The following GPM6A variants were observed in gnomAD, a reference collection of about 807,000 sequenced individuals.
GPM6A encodes neuronal membrane glycoprotein M6-a.
GPM6A carries 7 observed loss-of-function variants against 32.1 expected under a neutral mutation model. That is an observed-to-expected ratio of 0.22 (90% CI 0.12 to 0.41). The LOEUF (loss-of-function observed/expected upper bound fraction) is 0.41, where lower values mean the gene tolerates loss of function less well. Ranked by LOEUF, GPM6A falls within the 10% of genes least tolerant of loss-of-function variation. The pLI is 1.00. For synonymous variants in GPM6A, 130 were observed against 123.4 expected, an observed-to-expected ratio of 1.05 and a Z score of -0.35; for missense variants, 235 against 347.2, an observed-to-expected ratio of 0.68 and a Z score of 2.57.
At chr4:175,712,956 G>T (rs1223038133) in intron 1 of GPM6A, among the ~76,000 whole-genome samples, 1 of 152,252 alleles carries the variant, frequency 6.6e-6, no homozygotes, top group African/African-American at 2.4e-5. Flanking sequence ...TGTCCAGTTG[G>T]TGTAGCCAGG....
At chr4:175,894,722 G>T (rs1017216177) in intron 1 of GPM6A, among the ~76,000 whole-genome samples, 2 of 151,974 alleles carry the variant, frequency 1.3e-5, no homozygotes, top group South Asian at 2.1e-4. Flanking sequence ...TGTCAAAAGG[G>T]GAGTGGCTAA....
At chr4:175,868,118 T>C (rs1321975155) in intron 1 of GPM6A, among the ~76,000 whole-genome samples, 1 of 152,180 alleles carries the variant, frequency 6.6e-6, no homozygotes, top group Non-Finnish European at 1.5e-5. Flanking sequence ...CCTCCAGCAA[T>C]TTGTTCAGGT....
intron 4 of GPM6A, among the ~76,000 whole-genome samples, chr4:175,644,759 G>T (rs1239766636): frequency 1.3e-5 from 2 of 152,030 alleles, no homozygotes; most frequent in Non-Finnish European, 2.9e-5. Context: ...TTAGCTGAAA[G>T]GTGCAGACTG....
intron 1 of GPM6A, among the ~76,000 whole-genome samples, chr4:175,775,248 C>T (rs1733347998): frequency 6.6e-6 from 1 of 151,996 alleles, no homozygotes; most frequent in Non-Finnish European, 1.5e-5. Flanking sequence ...AATAAAATTT[C>T]AGAAAATTAA....
In GPM6A at chr4:175,827,515, C is replaced by A. The variant is rs1389928645; in HGVS notation, c.-22-15266G>T. 3.3e-5 allele frequency among the ~76,000 whole-genome samples: 5 copies of A among 152,352 alleles called. No homozygotes were observed. In the South Asian group the frequency reaches 6.2e-4, roughly 19 times the overall value. ...GGACTAGAACCCAGAAGGTCTGGTT[C>A]TTAAACCTGCGCTCTTCATCATAAC... On this transcript the variant is annotated intron_variant, in intron 1 of 7. Transcript: ENST00000280187.
intron 1 of GPM6A, among the ~76,000 whole-genome samples, chr4:175,996,998 G>A (rs1264927299): frequency 6.6e-6 from 1 of 151,918 alleles, no homozygotes; most frequent in Non-Finnish European, 1.5e-5. Flanking sequence ...TTGAAACCTA[G>A]CCACCATTTT....
intron 1 of GPM6A, among the ~76,000 whole-genome samples, chr4:175,765,017 G>A (rs1732906177): frequency 6.6e-6 from 1 of 151,918 alleles, no homozygotes; most frequent in African/African-American, 2.4e-5. Context: ...GGGATTACAG[G>A]TGCACACCAC....
At chr4:175,679,376 G>A (rs888678678) in intron 2 of GPM6A, among the ~76,000 whole-genome samples, 12 of 152,036 alleles carry the variant, frequency 7.9e-5, no homozygotes, top group African/African-American at 2.7e-4. Flanking sequence ...CTCACACAAA[G>A]CCCTTCTGCC....
intron 1 of GPM6A, among the ~76,000 whole-genome samples, chr4:175,987,729 G>A (rs1317039867): frequency 6.6e-6 from 1 of 152,086 alleles, no homozygotes; most frequent in African/African-American, 2.4e-5. Context: ...AGTGGATCTA[G>A]AAGTTGAGAA....
At chr4:175,948,617 A>C (rs911607587) in intron 1 of GPM6A, among the ~76,000 whole-genome samples, 13 of 152,224 alleles carry the variant, frequency 8.5e-5, no homozygotes, top group African/African-American at 3.1e-4. Context: ...ATCAAACTTT[A>C]TATAATTCAT....
chr4:175,816,481 T>C (rs1735103328), upstream of GPM6A, among the ~76,000 whole-genome samples: 2 of 152,240 alleles, frequency 1.3e-5, no homozygotes, highest in South Asian at 4.1e-4. Flanking sequence ...GCAGTCATCT[T>C]TGTGATACAA....
Position 175,920,836 on chromosome 4 carries a change from G to T in GPM6A, c.-23+81473C>A, listed in dbSNP as rs545644590. Among the ~76,000 whole-genome samples the T allele has an allele frequency of 2.0e-3, 276 of 136,754 alleles. 1 individual carries two copies. The highest frequency in any genetic ancestry group is 3.1e-3 in the Non-Finnish European group (203 of 66,088). 89.7% of individuals were successfully genotyped at this position (136,754 alleles called of 152,430 possible). Reference sequence around the variant, plus strand: ...AGCCTGGGCAACAGAGCGAGAATCTGTCTCAAAAAAAAAAAAAATGCTTTG... The same window carrying T: ...AGCCTGGGCAACAGAGCGAGAATCTTTCTCAAAAAAAAAAAAAATGCTTTG... On this transcript the variant is annotated intron_variant, in intron 1 of 7. Coordinates refer to the GPM6A transcript ENST00000280187.
intron 1 of GPM6A, among the ~76,000 whole-genome samples, chr4:175,931,657 T>C (rs1579638357): frequency 6.7e-6 from 1 of 149,492 alleles, no homozygotes; most frequent in African/African-American, 2.5e-5. Flanking sequence ...CTGACAGACA[T>C]GTGTTAAAAA....
At chr4:175,864,365 AC>A (rs1465874314) in intron 1 of GPM6A, among the ~76,000 whole-genome samples, 2 of 152,088 alleles carry the variant, frequency 1.3e-5, no homozygotes, top group Non-Finnish European at 2.9e-5. Context: ...ACAGGGTTTC[AC>A]CAGTTTGCCC....
chr4:175,963,275 A>G (rs1391644984), intron 1 of GPM6A, among the ~76,000 whole-genome samples: 1 of 152,172 alleles, frequency 6.6e-6, no homozygotes, highest in African/African-American at 2.4e-5. Flanking sequence ...TCCCAAAACT[A>G]ATAACAGACA....
chr4:175,936,210 G>A (rs536912296), intron 1 of GPM6A, among the ~76,000 whole-genome samples: 2 of 147,338 alleles, frequency 1.4e-5, no homozygotes, highest in African/African-American at 5.0e-5. Context: ...GGAGGCTGAG[G>A]CAGGAGAATG....
chr4:175,789,981 C>G (rs574216333), intron 1 of GPM6A, among the ~76,000 whole-genome samples: 1 of 152,166 alleles, frequency 6.6e-6, no homozygotes, highest in Non-Finnish European at 1.5e-5. Context: ...TAATAACATC[C>G]TTAATACTGT....
At chr4:175,722,740 T>G (rs984446766) in intron 1 of GPM6A, among the ~76,000 whole-genome samples, 3 of 152,222 alleles carry the variant, frequency 2.0e-5, no homozygotes, top group African/African-American at 7.2e-5. Flanking sequence ...AAACCAGCAA[T>G]ATGTTTAAAA....
At position 175,832,553 on chromosome 4, in the gene GPM6A, T is replaced by C. The variant is rs114174126; in HGVS notation, c.-22-20304A>G. On this transcript the variant is annotated intron_variant, in intron 1 of 7. Coordinates refer to the GPM6A transcript ENST00000280187. ...TCTACCCACAGGAGCTTAAAGTCTG[T>C]TTAGAATCTGGCAGAAGGAATTAGT... is the stretch of plus-strand genomic sequence containing the variant. 9.4e-3 allele frequency among the ~76,000 whole-genome samples: 1,438 copies of C among 152,248 alleles called. 10 individuals carry two copies. Among genetic ancestry groups the C allele is most frequent in the Non-Finnish European group, 0.016 (1,090 of 68,024 alleles).
Sources: allele counts gnomAD v4.1 joint callset (sites outside exome capture counted in the v4.1 genomes callset), GRCh38; gene constraint gnomAD v4.1.1; transcripts MANE v1.5; gene names NCBI Gene and HGNC (gene_info 2026-07-23, HGNC 2026-07-21).